The following TF variants were observed in gnomAD, a reference collection of about 807,000 sequenced individuals.
The protein encoded by TF is serotransferrin.
A neutral mutation model predicts 82.4 loss-of-function variants in TF; 55 were observed. That is an observed-to-expected ratio of 0.67 (90% CI 0.54 to 0.84). TF has a LOEUF of 0.84. TF is among the 40% of genes least tolerant of loss of function. The probability of loss-of-function intolerance (pLI) is 0.00; values close to 1 mark genes in which losing one functional copy is unlikely to be tolerated. For synonymous variants in TF, 332 were observed against 332.6 expected (o/e 1.00, Z 0.02); for missense variants, 737 against 868.4 (o/e 0.85, Z 1.90).
intron 14 of TF, chr3:133,774,518 A>G (rs1303534960): frequency 6.6e-6 from 1 of 152,434 alleles, no homozygotes. Flanking sequence ...ATCTAACACT[A>G]AACAAAATTA....
the TF span, among the ~76,000 whole-genome samples, chr3:133,729,975 CTCTT>C: frequency 6.6e-6 from 1 of 152,014 alleles, no homozygotes. Context: ...TTGTAAATTC[CTCTT>C]TCTTTGTGGC....
At chr3:133,698,602 C>T in the TF span, among the ~76,000 whole-genome samples, 1 of 152,154 alleles carries the variant, frequency 6.6e-6, no homozygotes, top group Non-Finnish European at 1.5e-5. Flanking sequence ...GTTCACATGG[C>T]CTGTGTGCAT....
chr3:133,719,778 A>G, the TF span, among the ~76,000 whole-genome samples: 2 of 151,928 alleles, frequency 1.3e-5, no homozygotes, highest in African/African-American at 2.4e-5. Flanking sequence ...TGTGTCCTCA[A>G]TTTTCTTCAT....
the TF span, among the ~76,000 whole-genome samples, chr3:133,740,748 T>G: frequency 6.6e-6 from 1 of 152,152 alleles, no homozygotes; most frequent in Non-Finnish European, 1.5e-5. Flanking sequence ...GAATTGTAAT[T>G]TTTACAATAT....
the TF span, among the ~76,000 whole-genome samples, chr3:133,729,608 T>C: frequency 6.6e-6 from 1 of 152,200 alleles, no homozygotes; most frequent in Admixed American, 6.5e-5. Flanking sequence ...CCCTTGCACT[T>C]CCCGAGTGAG....
the TF span, among the ~76,000 whole-genome samples, chr3:133,704,550 A>T: frequency 6.6e-6 from 1 of 152,226 alleles, no homozygotes; most frequent in African/African-American, 2.4e-5. Context: ...TGAGATTGTG[A>T]TACTGGAGTG....
chr3:133,750,661 G>A (rs1933635909), intron 2 of TF, among the ~76,000 whole-genome samples: 2 of 152,130 alleles, frequency 1.3e-5, no homozygotes, highest in African/African-American at 4.8e-5. Context: ...GGCTCCCTGA[G>A]CCCCCGAGGC....
chr3:133,715,238 C>G, the TF span, among the ~76,000 whole-genome samples: 2 of 152,192 alleles, frequency 1.3e-5, no homozygotes, highest in African/African-American at 4.8e-5. Flanking sequence ...CCTTAAGCCT[C>G]CAACACTTCT....
the TF span, among the ~76,000 whole-genome samples, chr3:133,711,801 C>T: frequency 1.4e-4 from 22 of 152,186 alleles, no homozygotes; most frequent in African/African-American, 4.8e-4. Flanking sequence ...ATCTCTCTAA[C>T]GATAAAGAAC....
At chr3:133,699,342 C>A in the TF span, 131 of 575,784 alleles carry the variant, frequency 2.3e-4, no homozygotes, top group African/African-American at 2.1e-3. Flanking sequence ...TCCCTCAGTC[C>A]TCTTCAGGCC....
chr3:133,746,741 A>G (rs1933513401), intron 1 of TF, among the ~76,000 whole-genome samples: 1 of 152,166 alleles, frequency 6.6e-6, no homozygotes, highest in African/African-American at 2.4e-5. Context: ...AATAAATCAG[A>G]GCACGTCTAA....
At position 133,793,748 on chromosome 3, in the gene TF, A is replaced by G. The variant is rs1163343870; in HGVS notation, c.*15128A>G. On this transcript the variant is annotated 3_prime_UTR_variant, in exon 17 of 17. Coordinates refer to ENST00000402696, the MANE Select transcript of TF (RefSeq NM_001063.4). ...TGATGCAGTTTCTGAAAACTTCACAAGCATGCAAAGTCCTAGAATATGGTG... is the reference window on the plus strand; with the variant it reads ...TGATGCAGTTTCTGAAAACTTCACAGGCATGCAAAGTCCTAGAATATGGTG... 1.3e-5 allele frequency: 2 copies of G among 152,156 alleles called. No homozygotes were observed. Among genetic ancestry groups the G allele is most frequent in the Non-Finnish European group, 2.9e-5 (2 of 67,996 alleles). The allele number at this position is 152,156 out of a possible 1,614,324, so 9.4% of individuals were successfully genotyped here.
chr3:133,757,655 G>A, intron 7 of TF, 114 bp from the exon 8 acceptor site: 1 of 1,032,988 alleles, frequency 9.7e-7, no homozygotes, highest in East Asian at 2.5e-5. Flanking sequence ...CTCTCTCCTG[G>A]CATCTTGAAC....
At chr3:133,720,473 T>G in the TF span, among the ~76,000 whole-genome samples, 2 of 152,220 alleles carry the variant, frequency 1.3e-5, no homozygotes, top group Non-Finnish European at 2.9e-5. Context: ...ATGATCTTTT[T>G]AATGTGCCAT....
the TF span, among the ~76,000 whole-genome samples, chr3:133,727,021 G>A: frequency 6.6e-6 from 1 of 152,178 alleles, no homozygotes; most frequent in Non-Finnish European, 1.5e-5. Flanking sequence ...TGGTCTGAGA[G>A]ACAGTTTGTT....
chr3:133,746,026 A>C, upstream of TF: 1 of 302,878 alleles, frequency 3.3e-6, no homozygotes, highest in Non-Finnish European at 6.4e-6. Flanking sequence ...CCAGCCTCGG[A>C]GTCTTCCTCT....
At chr3:133,733,126 C>T in the TF span, among the ~76,000 whole-genome samples, 49 of 152,198 alleles carry the variant, frequency 3.2e-4, no homozygotes, top group Non-Finnish European at 5.9e-5. Context: ...TCTGGGGGCC[C>T]ATTCATCTAT....
At chr3:133,669,050 G>C in the TF span, among the ~76,000 whole-genome samples, 1 of 151,914 alleles carries the variant, frequency 6.6e-6, no homozygotes, top group Non-Finnish European at 1.5e-5. Context: ...GTCCAGGGTG[G>C]AGTGCAATGG....
chr3:133,754,045 C>A lies in TF; in HGVS notation c.325+342C>A, dbSNP rs112693182. 1.3e-3 allele frequency: 623 copies of A among 463,662 alleles called. 3 individuals carry two copies. The highest frequency in any genetic ancestry group is 0.011 in the African/African-American group (574 of 50,880). 28.7% of individuals were successfully genotyped at this position (463,662 alleles called of 1,614,324 possible). ...CCTCTGGAGCCATAGGTACCACTCA[C>A]ACAGGAGGGGTCACTCTGGAGCACA... On this transcript the variant is annotated intron_variant, in intron 3 of 16. Transcript: ENST00000402696.
Sources: gnomAD v4.1 joint callset for allele counts (sites outside exome capture counted in the v4.1 genomes callset) on GRCh38, gnomAD v4.1.1 for gene constraint, MANE v1.5 for transcripts, NCBI Gene and HGNC (gene_info 2026-07-23, HGNC 2026-07-21) for gene names.